The following EXOC6B variants were observed in gnomAD, a reference collection of about 807,000 sequenced individuals.
EXOC6B encodes the protein SEC15 homolog B.
Under a neutral mutation model 113.5 loss-of-function variants are expected in EXOC6B, and 54 were observed. The observed-to-expected ratio is 0.48, with a 90% CI of 0.38 to 0.60. EXOC6B has a LOEUF of 0.60. Ranked by LOEUF, EXOC6B falls within the 20% of genes least tolerant of loss-of-function variation. The pLI, the probability that EXOC6B is intolerant of heterozygous loss-of-function variation, is 0.00. For synonymous variants in EXOC6B, 357 were observed against 339.0 expected (o/e 1.05, Z -0.58); for missense variants, 797 against 977.5 (o/e 0.82, Z 2.46).
At chr2:72,689,602 C>G (rs537626438) in intron 6 of EXOC6B, among the ~76,000 whole-genome samples, 1 of 152,268 alleles carries the variant, frequency 6.6e-6, no homozygotes, top group South Asian at 2.1e-4. Context: ...ATGGTTGAAT[C>G]AATGCTCCTT....
Position 72,379,950 on chromosome 2 carries a change from C to T in EXOC6B, c.1981-80G>A, listed in dbSNP as rs1691588608. 5 of 1,356,136 alleles carry T rather than the reference C, an allele frequency of 3.7e-6. No individual in the cohort carries two copies. In the South Asian group the frequency reaches 7.7e-5, roughly 21 times the overall value. The allele number at this position is 1,356,136 out of a possible 1,614,324, so 84.0% of individuals were successfully genotyped here. A position where few individuals can be genotyped will look rare whatever the true frequency, so the allele number is the denominator to read the frequency against. ...AAAATTTCAACAAAACTTAAAATTACTTCTTTTTCAATTAGGAATTTCCCT... is the reference window on the plus strand; with the variant it reads ...AAAATTTCAACAAAACTTAAAATTATTTCTTTTTCAATTAGGAATTTCCCT... On this transcript the variant is annotated intron_variant, in intron 18 of 21. Transcript: ENST00000272427.
chr2:72,669,349 T>TA (rs1244725967), intron 6 of EXOC6B, among the ~76,000 whole-genome samples: 36 of 146,048 alleles, frequency 2.5e-4, no homozygotes, highest in African/African-American at 2.5e-4. Flanking sequence ...ATGATTCACT[T>TA]AAAAAAAAAA....
At chr2:72,285,564 A>T (rs1433063655) in intron 20 of EXOC6B, among the ~76,000 whole-genome samples, 1 of 152,114 alleles carries the variant, frequency 6.6e-6, no homozygotes, top group Non-Finnish European at 1.5e-5. Flanking sequence ...AATCTAGATA[A>T]CCTTGGAATT....
At chr2:72,743,957 T>C (rs1262996178) in intron 1 of EXOC6B, among the ~76,000 whole-genome samples, 1 of 152,278 alleles carries the variant, frequency 6.6e-6, no homozygotes, top group Middle Eastern at 3.4e-3. Flanking sequence ...GGACCACATA[T>C]ATAATGGTGG....
intron 6 of EXOC6B, among the ~76,000 whole-genome samples, chr2:72,591,088 T>C (rs1705923298): frequency 6.6e-6 from 1 of 151,976 alleles, no homozygotes; most frequent in Admixed American, 6.6e-5. Flanking sequence ...TTTATGAAAA[T>C]AAATTAAAAG....
chr2:72,188,833 G>A (rs969460464), intron 20 of EXOC6B, among the ~76,000 whole-genome samples: 21 of 152,090 alleles, frequency 1.4e-4, no homozygotes, highest in Admixed American at 1.1e-3. Flanking sequence ...AGTATAAAGA[G>A]CAACATATTG....
At chr2:72,648,653 T>C (rs1211419867) in intron 6 of EXOC6B, among the ~76,000 whole-genome samples, 1 of 152,240 alleles carries the variant, frequency 6.6e-6, no homozygotes, top group Non-Finnish European at 1.5e-5. Context: ...GTAACCTAAG[T>C]ATCCATTAAC....
chr2:72,514,709 T>C (rs1052035717), intron 9 of EXOC6B, 29 bp from the exon 10 acceptor site: 1 of 1,438,848 alleles, frequency 7.0e-7, no homozygotes, highest in East Asian at 2.6e-5. Flanking sequence ...GAAAAAGTTA[T>C]TGTTTCTGTT....
chr2:72,252,402 G>C (rs2104550866), intron 20 of EXOC6B, among the ~76,000 whole-genome samples: 1 of 152,196 alleles, frequency 6.6e-6, no homozygotes, highest in African/African-American at 2.4e-5. Context: ...TGAGAACAAT[G>C]TTGCAAGGCA....
At chr2:72,603,683 G>T (rs1413237274) in intron 6 of EXOC6B, among the ~76,000 whole-genome samples, 1 of 152,030 alleles carries the variant, frequency 6.6e-6, no homozygotes, top group East Asian at 1.9e-4. Flanking sequence ...TTCATTCCTT[G>T]CTTCAGCCAT....
At chr2:72,292,334 T>C (rs909586543) in intron 20 of EXOC6B, among the ~76,000 whole-genome samples, 11 of 152,240 alleles carry the variant, frequency 7.2e-5, no homozygotes, top group African/African-American at 1.7e-4. Context: ...TTTTAAAATA[T>C]AATTTCTGTT....
chr2:72,596,627 C>T (rs1274759939), intron 6 of EXOC6B, among the ~76,000 whole-genome samples: 1 of 152,008 alleles, frequency 6.6e-6, no homozygotes, highest in African/African-American at 2.4e-5. Context: ...CTCTGAAGGT[C>T]ACAGTCCAGG....
chr2:72,487,461 A>T (rs1050854236), intron 16 of EXOC6B, among the ~76,000 whole-genome samples: 9 of 152,120 alleles, frequency 5.9e-5, no homozygotes, highest in Non-Finnish European at 1.2e-4. Context: ...CCCTATTTCA[A>T]GCGATTCTCC....
At chr2:72,766,868 C>T (rs551362903) in intron 1 of EXOC6B, among the ~76,000 whole-genome samples, 10 of 150,550 alleles carry the variant, frequency 6.6e-5, no homozygotes, top group South Asian at 2.1e-4. Flanking sequence ...GCACAAAAAT[C>T]GCTTGAAACC....
chr2:72,715,847 G>T (rs1170501504), intron 6 of EXOC6B, among the ~76,000 whole-genome samples: 1 of 152,150 alleles, frequency 6.6e-6, no homozygotes, highest in Admixed American at 6.6e-5. Context: ...AGAGGGTTGA[G>T]CATCCCTGGA....
intron 18 of EXOC6B, among the ~76,000 whole-genome samples, chr2:72,455,706 G>C (rs1001333632): frequency 6.6e-6 from 1 of 152,020 alleles, no homozygotes; most frequent in Non-Finnish European, 1.5e-5. Flanking sequence ...TCAGAAATTT[G>C]TTGCAAGGAA....
chr2:72,737,851 CA>C (rs1034464575), intron 2 of EXOC6B, among the ~76,000 whole-genome samples: 1 of 146,914 alleles, frequency 6.8e-6, no homozygotes, highest in Non-Finnish European at 1.5e-5. Context: ...GACTCTGTCT[CA>C]AAAAAAAAAG....
At chr2:72,689,179 G>C (rs1312230205) in intron 6 of EXOC6B, among the ~76,000 whole-genome samples, 1 of 152,142 alleles carries the variant, frequency 6.6e-6, no homozygotes, top group Admixed American at 6.5e-5. Context: ...TTTCATGATT[G>C]GGTAGCCAAA....
chr2:72,282,659 G>A (rs920469982), intron 20 of EXOC6B, among the ~76,000 whole-genome samples: 7 of 151,990 alleles, frequency 4.6e-5, no homozygotes, highest in Admixed American at 2.0e-4. Flanking sequence ...CACTCTCCAC[G>A]CTGCTCATTA....
Sources: allele counts gnomAD v4.1 joint callset (sites outside exome capture counted in the v4.1 genomes callset), GRCh38; gene constraint gnomAD v4.1.1; transcripts MANE v1.5; gene names NCBI Gene and HGNC (gene_info 2026-07-23, HGNC 2026-07-21).